Variants in XKR9 observed in about 807,000 individuals in gnomAD.
XKR9 encodes XK related 9, also known as XK-related protein 9.
XKR9 carries 32 observed loss-of-function variants against 32.0 expected under a neutral mutation model. The observed-to-expected ratio is 1.00, with a 90% CI of 0.76 to 1.34. The LOEUF is 1.34. XKR9 is among the 40% of genes most tolerant of loss of function. The probability of loss-of-function intolerance (pLI) is 0.00; values close to 1 mark genes in which losing one functional copy is unlikely to be tolerated. For synonymous variants in XKR9, 168 were observed against 143.4 expected (o/e 1.17, Z -1.22); for missense variants, 546 against 429.7 (o/e 1.27, Z -2.39).
At chr8:70,906,833 A>G in the XKR9 span, among the ~76,000 whole-genome samples, 3 of 152,262 alleles carry the variant, frequency 2.0e-5, no homozygotes, top group African/African-American at 7.2e-5. Context: ...AAATTTTCCA[A>G]GATAATTAGA....
chr8:70,836,946 T>C, the XKR9 span, among the ~76,000 whole-genome samples: 10 of 152,056 alleles, frequency 6.6e-5, no homozygotes, highest in African/African-American at 2.2e-4. Flanking sequence ...CATTATTTTG[T>C]GATTTTCATT....
chr8:70,748,428 T>G (rs1417922369), intron 2 of XKR9, among the ~76,000 whole-genome samples: 7 of 152,234 alleles, frequency 4.6e-5, no homozygotes, highest in Non-Finnish European at 8.8e-5. Context: ...AGCAAAGTTG[T>G]AGCCAAGCCT....
At position 70,706,973 on chromosome 8, in the gene XKR9, A is replaced by T. The variant is rs749345412; in HGVS notation, c.313A>T (p.Lys105Ter). ...AAAAAGGGGTTACCATGCAGCTTTTAAATATGACAGCAATACTAGTAACTT... is the reference window on the plus strand; with the variant it reads ...AAAAAGGGGTTACCATGCAGCTTTTTAATATGACAGCAATACTAGTAACTT... ...ALKRGYHAAFKYDSNTSNFVE... is the reference protein window; with the variant it reads ...ALKRGYHAAF The change falls in exon 4 of 5, where the codon AAA (lysine) becomes TAA (stop). Residue 105 changes from lysine to a stop codon, truncating the protein, a stop_gained. Coordinates refer to ENST00000408926, the MANE Select transcript of XKR9 (RefSeq NM_001011720.2). LOFTEE classifies it high-confidence loss of function. 1.2e-6 allele frequency: 2 copies of T among 1,613,126 alleles called. No homozygotes were observed. Among genetic ancestry groups the T allele is most frequent in the African/African-American group, 2.7e-5 (2 of 74,906 alleles).
At chr8:70,977,310 T>C in the XKR9 span, among the ~76,000 whole-genome samples, 1 of 152,198 alleles carries the variant, frequency 6.6e-6, no homozygotes, top group African/African-American at 2.4e-5. Flanking sequence ...CTTGCTTCTC[T>C]AGTTCTTTTA....
chr8:70,759,312 G>A (rs1353750974), intron 2 of XKR9, among the ~76,000 whole-genome samples: 1 of 152,134 alleles, frequency 6.6e-6, no homozygotes, highest in East Asian at 1.9e-4. Flanking sequence ...TTATTAATAG[G>A]ACTCACTTTT....
chr8:70,903,034 T>C, the XKR9 span, among the ~76,000 whole-genome samples: 2 of 152,194 alleles, frequency 1.3e-5, no homozygotes, highest in East Asian at 3.8e-4. Context: ...CTGCTGGATT[T>C]GGTTTTCCAG....
chr8:70,801,938 CT>C, the XKR9 span, among the ~76,000 whole-genome samples: 388 of 142,400 alleles, frequency 2.7e-3, no homozygotes, highest in Admixed American at 3.4e-3. Context: ...CTTTTTCTTT[CT>C]TTTTTTTTTT....
the XKR9 span, among the ~76,000 whole-genome samples, chr8:70,951,638 T>C: frequency 3.3e-5 from 5 of 152,320 alleles, no homozygotes; most frequent in African/African-American, 1.2e-4. Flanking sequence ...AGGAGTACCA[T>C]TAAAAAGAAA....
At chr8:70,857,264 A>G in the XKR9 span, among the ~76,000 whole-genome samples, 5 of 152,216 alleles carry the variant, frequency 3.3e-5, no homozygotes, top group Non-Finnish European at 7.3e-5. Context: ...AGAATCAAAT[A>G]GACACAATAA....
the XKR9 span, among the ~76,000 whole-genome samples, chr8:71,064,574 C>T: frequency 6.6e-6 from 1 of 152,050 alleles, no homozygotes; most frequent in African/African-American, 2.4e-5. Context: ...TTAGTTTTTT[C>T]TCCCACATTC....
the XKR9 span, among the ~76,000 whole-genome samples, chr8:71,060,198 G>A: frequency 0.18 from 26,793 of 152,158 alleles, 2,625 homozygotes; most frequent in African/African-American, 0.23. Context: ...CAGTATTTGT[G>A]GATGTTGAAG....
At chr8:70,979,052 C>T in the XKR9 span, among the ~76,000 whole-genome samples, 3 of 152,128 alleles carry the variant, frequency 2.0e-5, no homozygotes, top group Admixed American at 2.0e-4. Flanking sequence ...GTACATGCAT[C>T]GCGTAGTTCT....
intron 2 of XKR9, among the ~76,000 whole-genome samples, chr8:70,741,179 G>T (rs774514367): frequency 6.6e-6 from 1 of 152,226 alleles, no homozygotes; most frequent in Non-Finnish European, 1.5e-5. Context: ...AATGGTGGGT[G>T]TAGGTGGTGG....
the XKR9 span, among the ~76,000 whole-genome samples, chr8:70,965,208 G>C: frequency 1.2e-3 from 176 of 152,258 alleles, 3 homozygotes; most frequent in East Asian, 0.023. Context: ...AGATAATCAT[G>C]ATGTTTTTGT....
chr8:70,703,778 G>A (rs1175127045), intron 3 of XKR9, among the ~76,000 whole-genome samples: 2 of 152,100 alleles, frequency 1.3e-5, no homozygotes, highest in African/African-American at 4.8e-5. Context: ...GAAGCTGGTG[G>A]CTTTTTGTTT....
intron 2 of XKR9, among the ~76,000 whole-genome samples, chr8:70,769,893 T>C (rs979671784): frequency 6.6e-6 from 1 of 152,218 alleles, no homozygotes; most frequent in South Asian, 2.1e-4. Flanking sequence ...CATGCTTCTT[T>C]AGCTTGGAAG....
At chr8:70,853,505 T>TA in the XKR9 span, among the ~76,000 whole-genome samples, 20 of 148,860 alleles carry the variant, frequency 1.3e-4, no homozygotes, top group East Asian at 5.9e-4. Flanking sequence ...TCATAAAAAC[T>TA]AAAAAAAAAC....
chr8:70,728,396 C>T (rs988244469), intron 4 of XKR9, among the ~76,000 whole-genome samples: 1 of 152,202 alleles, frequency 6.6e-6, no homozygotes, highest in South Asian at 2.1e-4. Context: ...TTGCAACTGT[C>T]TGATCATACT....
At chr8:70,749,893 T>C (rs1272624667) in intron 2 of XKR9, among the ~76,000 whole-genome samples, 2 of 152,272 alleles carry the variant, frequency 1.3e-5, no homozygotes, top group African/African-American at 4.8e-5. Flanking sequence ...GTTGTGTTTA[T>C]TCCTGATATT....
Sources: gnomAD v4.1 joint callset for allele counts (sites outside exome capture counted in the v4.1 genomes callset) on GRCh38, gnomAD v4.1.1 for gene constraint, MANE v1.5 for transcripts, NCBI Gene and HGNC (gene_info 2026-07-23, HGNC 2026-07-21) for gene names.